The following ANKRD1 variants were observed in gnomAD, a reference collection of about 807,000 sequenced individuals.
ANKRD1 encodes ankyrin repeat domain 1.
In ANKRD1, 32 loss-of-function variants were observed where a neutral mutation model predicts 40.1. The observed-to-expected ratio is 0.80, with a 90% CI of 0.60 to 1.07. The LOEUF is 1.07. Among genes scored for constraint, ANKRD1 ranks in the 50% least tolerant of loss-of-function variants. The probability of loss-of-function intolerance (pLI) is 0.00; values close to 1 mark genes in which losing one functional copy is unlikely to be tolerated. For synonymous variants in ANKRD1, 149 were observed against 141.2 expected (o/e 1.06, Z -0.39); for missense variants, 359 against 386.0 (o/e 0.93, Z 0.59).
chr10:90,912,354 G>T lies in ANKRD1; in HGVS notation c.*512C>A, dbSNP rs997902065. On this transcript the variant is annotated 3_prime_UTR_variant, in exon 9 of 9. Transcript: ENST00000371697. Reference sequence around the variant, plus strand: ...TGGGGGTAAAATAGCTGGCTTCACTGTCCTTTTCACAGAATCACTTTCCTT... The same window carrying T: ...TGGGGGTAAAATAGCTGGCTTCACTTTCCTTTTCACAGAATCACTTTCCTT... The T allele has an allele frequency of 7.0e-6, 1 of 142,248 alleles. No homozygotes were observed. The allele number at this position is 142,248 out of a possible 1,614,324, so 8.8% of individuals were successfully genotyped here.
rs777185169 is a variant in ANKRD1 at position 90,916,252 on chromosome 10, G to A, written c.570C>T (p.Ile190=). The change falls in exon 6 of 9, where the codon ATC becomes ATT. Residue 190 remains isoleucine, a synonymous_variant. Coordinates refer to ENST00000371697, the MANE Select transcript of ANKRD1 (RefSeq NM_014391.3). The part of the protein sequence containing the change: ...EFRDMLESTA[I]HWASRGGNLD... ...GGTTTCCTCCACGGCTTGCCCAGTG[G>A]ATGGCTGTGGATTCAAGCTATACCG... 6.2e-7 allele frequency: 1 copy of A among 1,613,956 alleles called. No homozygotes were observed. The highest frequency in any genetic ancestry group is 8.5e-7 in the Non-Finnish European group (1 of 1,179,866).
rs60406118 is a variant in ANKRD1 at position 90,918,991 on chromosome 10, A to AATATATATAT, written c.346-29_346-20dup. On this transcript the variant is annotated intron_variant, in intron 3 of 8. Transcript: ENST00000371697. The stretch of plus-strand genomic sequence containing the variant: ...GTTCCGTCTAAAGCCAAAATAAATA[A>AATATATATAT]ATATATATATATATATATATATATA... 34 of 269,538 alleles carry AATATATATAT rather than the reference A, an allele frequency of 1.3e-4. No homozygotes were observed. Among genetic ancestry groups the AATATATATAT allele is most frequent in the Middle Eastern group, 2.3e-3 (2 of 874 alleles). The allele number at this position is 269,538 out of a possible 1,614,324, so 16.7% of individuals were successfully genotyped here. A position where few individuals can be genotyped will look rare whatever the true frequency, so the allele number is the denominator to read the frequency against.
rs538584426 is a variant in ANKRD1 at position 90,914,870 on chromosome 10, T to C, written c.849+673A>G. ...TGGAAATTGAGACCATGAGGAAAAG[T>C]TGGTTATGTTCCCTGCTTACAGATG... On this transcript the variant is annotated intron_variant, in intron 8 of 8. Coordinates refer to ENST00000371697, the MANE Select transcript of ANKRD1 (RefSeq NM_014391.3). 2.4e-4 allele frequency among the ~76,000 whole-genome samples: 36 copies of C among 152,214 alleles called. 1 individual carries two copies. Among genetic ancestry groups the C allele is most frequent in the African/African-American group, 7.9e-4 (33 of 41,520 alleles).
intron 8 of ANKRD1, 43 bp from the exon 9 acceptor site, chr10:90,913,019 C>T (rs762117265): frequency 1.3e-6 from 2 of 1,541,604 alleles, no homozygotes; most frequent in African/African-American, 1.4e-5. Context: ...AGGTGGGTGA[C>T]ATCTGTAAAT....
At chr10:90,915,720 G>T in intron 7 of ANKRD1, 62 bp downstream of exon 7, 2 of 1,610,184 alleles carry the variant, frequency 1.2e-6, no homozygotes, top group Non-Finnish European at 1.7e-6. Context: ...AGGCTTGGGG[G>T]AGTGATTCCA....
Position 90,912,958 on chromosome 10 carries a change from C to T in ANKRD1, c.868G>A (p.Asp290Asn), listed in dbSNP as rs1554827420. 2 of 1,614,078 alleles carry T rather than the reference C, an allele frequency of 1.2e-6. No homozygotes were observed. Among genetic ancestry groups the T allele is most frequent in the Non-Finnish European group, 1.7e-6 (2 of 1,179,946 alleles). Residue 290 changes from aspartate (D) to asparagine (N), a missense_variant, in exon 9 of 9, where the codon GAT becomes AAT. Asp to Asn is a conservative substitution (Grantham distance 23, BLOSUM62 1). Transcript: ENST00000371697. ...IKNCAGKTPM[D>N]LVLHWQNGTK... ...CCATTCTGCCAGTGTAGCACCAGAT[C>T]CATCGGCGTCTTCCCAGCCTAATCA...
chr10:90,914,189 A>C (rs1006890822), intron 8 of ANKRD1, among the ~76,000 whole-genome samples: 4 of 152,194 alleles, frequency 2.6e-5, no homozygotes, highest in African/African-American at 9.7e-5. Context: ...TTAAGATGGC[A>C]TCAATAGGTT....
In ANKRD1 at chr10:90,920,211, C is replaced by A. The variant is rs375414155; in HGVS notation, c.165G>T (p.Leu55=). The change falls in exon 2 of 9, where the codon CTG becomes CTT. Residue 55 remains leucine, a synonymous_variant. Transcript: ENST00000371697. ...TCTCGCTTTTCCACTGTTGCTCCCC[C>A]AGGGTCACAGGGTGGGCTAGAAGTG... The part of the protein sequence containing the change: ...LKTLLAHPVT[L]GEQQWKSEKQ... 6.2e-7 allele frequency: 1 copy of A among 1,613,952 alleles called. No individual in the cohort carries two copies. The highest frequency in any genetic ancestry group is 2.2e-5 in the East Asian group (1 of 44,894).
chr10:90,916,401 G>C (rs1589509187), intron 5 of ANKRD1, 132 bp from the exon 6 acceptor site: 1 of 721,916 alleles, frequency 1.4e-6, no homozygotes, highest in Non-Finnish European at 2.5e-6. Flanking sequence ...GGAGTCGAAG[G>C]TTCTTACCAA....
At chr10:90,916,109 A>C in intron 6 of ANKRD1, 62 bp downstream of exon 6, 1 of 847,982 alleles carries the variant, frequency 1.2e-6, no homozygotes, top group Non-Finnish European at 1.7e-6. Flanking sequence ...GGAGAAGTGG[A>C]GAAGGATGGG....
intron 1 of ANKRD1, 129 bp downstream of exon 1, chr10:90,920,872 A>C (rs1358753939): frequency 4.6e-6 from 4 of 875,014 alleles, no homozygotes; most frequent in Non-Finnish European, 7.4e-6. Flanking sequence ...CATCACATCA[A>C]CCTTTTTCCA....
intron 5 of ANKRD1, 85 bp downstream of exon 5, chr10:90,917,647 C>A: frequency 8.7e-7 from 1 of 1,145,662 alleles, no homozygotes; most frequent in Non-Finnish European, 1.3e-6. Flanking sequence ...TCAATCCAAT[C>A]AGCTCGGTTT....
chr10:90,916,074 A>C, intron 6 of ANKRD1, 97 bp downstream of exon 6: 1 of 393,950 alleles, frequency 2.5e-6, no homozygotes, highest in Non-Finnish European at 4.6e-6. Context: ...GTGGGGGAGA[A>C]GGAGGAGGGG....
Position 90,912,590 on chromosome 10 carries a change from CA to C in ANKRD1, c.*275del, listed in dbSNP as rs1158616603. ...GGGAAGGCTCTGAAAGTGTTATATA[CA>C]AATGAAGCTCTGCTCACCAGATGGA... On this transcript the variant is annotated 3_prime_UTR_variant, in exon 9 of 9. Coordinates refer to ENST00000371697, the MANE Select transcript of ANKRD1 (RefSeq NM_014391.3). 1 of 393,426 alleles carries C rather than the reference CA, an allele frequency of 2.5e-6. No homozygotes were observed. The highest frequency in any genetic ancestry group is 2.1e-5 in the African/African-American group (1 of 48,290). 24.4% of individuals were successfully genotyped at this position (393,426 alleles called of 1,614,324 possible). A position where few individuals can be genotyped will look rare whatever the true frequency, so the allele number is the denominator to read the frequency against.
intron 2 of ANKRD1, 54 bp from the exon 3 acceptor site, chr10:90,919,322 C>T: frequency 6.7e-7 from 1 of 1,501,054 alleles, no homozygotes; most frequent in South Asian, 1.2e-5. Context: ...GACAAGCATT[C>T]TGGTTGTGTC....
chr10:90,920,920 A>G (rs1847430440), intron 1 of ANKRD1, 81 bp downstream of exon 1: 2 of 1,389,204 alleles, frequency 1.4e-6, no homozygotes, highest in Non-Finnish European at 2.0e-6. Flanking sequence ...ATTACACCTG[A>G]AAGCAAAGGG....
At chr10:90,916,307 A>G (rs1272117452) in intron 5 of ANKRD1, 38 bp from the exon 6 acceptor site, 43 of 1,496,164 alleles carry the variant, frequency 2.9e-5, no homozygotes, top group Non-Finnish European at 3.7e-5. Flanking sequence ...GTGAAGGAGA[A>G]TGTGGTCTGG....
intron 1 of ANKRD1, 139 bp from the exon 2 acceptor site, chr10:90,920,487 CT>C (rs1847425678): frequency 1.2e-6 from 1 of 859,170 alleles, no homozygotes; most frequent in African/African-American, 1.6e-5. Flanking sequence ...AGATCTCAAG[CT>C]GCGATGCACA....
rs1203971393 is a variant in ANKRD1, at chr10:90,912,734, A to G, written c.*132T>C. On this transcript the variant is annotated 3_prime_UTR_variant, in exon 9 of 9. Coordinates refer to ENST00000371697, the MANE Select transcript of ANKRD1 (RefSeq NM_014391.3). ...AACACCTATAACCCTGTGCTTTCTCAAAACTTCATTAGGTACATCTTCACA... is the reference window on the plus strand; with the variant it reads ...AACACCTATAACCCTGTGCTTTCTCGAAACTTCATTAGGTACATCTTCACA... 2 of 897,202 alleles carry G rather than the reference A, an allele frequency of 2.2e-6. No individual in the cohort carries two copies. Among genetic ancestry groups the G allele is most frequent in the South Asian group, 1.3e-5 (1 of 75,672 alleles). The allele number at this position is 897,202 out of a possible 1,614,324, so 55.6% of individuals were successfully genotyped here. A position where few individuals can be genotyped will look rare whatever the true frequency, so the allele number is the denominator to read the frequency against.
Sources: gnomAD v4.1 joint callset for allele counts (sites outside exome capture counted in the v4.1 genomes callset) on GRCh38, gnomAD v4.1.1 for gene constraint, MANE v1.5 for transcripts, NCBI Gene and HGNC (gene_info 2026-07-23, HGNC 2026-07-21) for gene names.